LSAMP: variants seen among roughly 807,000 people sequenced by gnomAD.
LSAMP encodes limbic system-associated membrane protein.
In LSAMP, 7 loss-of-function variants were observed where a neutral mutation model predicts 38.6. That is an observed-to-expected ratio of 0.18 (90% CI 0.10 to 0.34). LSAMP has a LOEUF of 0.34. LSAMP is among the 10% of genes least tolerant of loss of function. LSAMP has a pLI of 1.00. For missense variants in LSAMP, 313 were observed against 420.0 expected (o/e 0.75, Z 2.23); for synonymous variants, 154 against 166.8 (o/e 0.92, Z 0.59).
intron 2 of LSAMP, among the ~76,000 whole-genome samples, chr3:116,076,345 C>T (rs916017230): frequency 6.6e-6 from 1 of 152,102 alleles, no homozygotes; most frequent in Non-Finnish European, 1.5e-5. Flanking sequence ...GCAACCTCCA[C>T]CTCCCGGGTT....
chr3:115,966,620 C>A (rs1459360858), intron 3 of LSAMP, among the ~76,000 whole-genome samples: 1 of 152,048 alleles, frequency 6.6e-6, no homozygotes, highest in East Asian at 1.9e-4. Context: ...ATTGGAATAA[C>A]CAAATCCATG....
At chr3:116,256,974 T>C (rs1490067211) in intron 1 of LSAMP, among the ~76,000 whole-genome samples, 1 of 152,222 alleles carries the variant, frequency 6.6e-6, no homozygotes, top group African/African-American at 2.4e-5. Context: ...CATCTGGGGC[T>C]GCTATGCTTC....
chr3:115,931,542 G>A (rs1937580683), intron 3 of LSAMP, among the ~76,000 whole-genome samples: 2 of 152,122 alleles, frequency 1.3e-5, no homozygotes, highest in South Asian at 4.1e-4. Context: ...GTCAGAGAGG[G>A]TCCTGTTTAG....
chr3:116,429,658 G>C lies in LSAMP; in HGVS notation c.155+15219C>G, dbSNP rs117353054. Among the ~76,000 whole-genome samples, 40 of 152,312 alleles carry C rather than the reference G, an allele frequency of 2.6e-4. No individual in the cohort carries two copies. In the East Asian group the frequency reaches 6.8e-3, roughly 26 times the overall value. On this transcript the variant is annotated intron_variant, in intron 1 of 6. Transcript: ENST00000490035. Reference sequence around the variant, plus strand: ...TGATGATACTGTGGGAATCAGTAGAGAGAAGGATTACATCAGATATCTAGG... The same window carrying C: ...TGATGATACTGTGGGAATCAGTAGACAGAAGGATTACATCAGATATCTAGG...
chr3:116,335,945 G>T (rs547177526), intron 1 of LSAMP, among the ~76,000 whole-genome samples: 2 of 152,048 alleles, frequency 1.3e-5, no homozygotes, highest in South Asian at 4.2e-4. Context: ...TTGAACTATT[G>T]TTAAGCTGTA....
chr3:116,001,048 T>G (rs1395637953), intron 3 of LSAMP, among the ~76,000 whole-genome samples: 1 of 152,208 alleles, frequency 6.6e-6, no homozygotes, highest in African/African-American at 2.4e-5. Context: ...TGATGGTTTA[T>G]CTGGTGCTCA....
chr3:116,132,584 C>T (rs1354289075), intron 1 of LSAMP, among the ~76,000 whole-genome samples: 1 of 152,186 alleles, frequency 6.6e-6, no homozygotes, highest in Non-Finnish European at 1.5e-5. Context: ...GAAAAGTCCA[C>T]AAATTTTTAA....
intron 1 of LSAMP, among the ~76,000 whole-genome samples, chr3:116,321,883 CCTTT>C (rs1188580781): frequency 6.6e-6 from 1 of 152,124 alleles, no homozygotes; most frequent in Non-Finnish European, 1.5e-5. Flanking sequence ...AAGGCTAGTT[CCTTT>C]CTAATAGTTA....
chr3:115,819,292 GGGTGTGGT>G (rs1192334356), intron 6 of LSAMP, among the ~76,000 whole-genome samples: 1 of 152,012 alleles, frequency 6.6e-6, no homozygotes, highest in African/African-American at 2.4e-5. Flanking sequence ...AAAATTAGCT[GGGTGTGGT>G]GGTACGTGTC....
intron 1 of LSAMP, among the ~76,000 whole-genome samples, chr3:116,225,224 G>C (rs1559790096): frequency 6.6e-6 from 1 of 152,152 alleles, no homozygotes; most frequent in Non-Finnish European, 1.5e-5. Flanking sequence ...GATCATCTTG[G>C]TTTTAGGGTG....
At chr3:116,436,756 T>C (rs1390801295) in intron 1 of LSAMP, among the ~76,000 whole-genome samples, 2 of 152,222 alleles carry the variant, frequency 1.3e-5, no homozygotes, top group East Asian at 1.9e-4. Context: ...ACAGCCACTA[T>C]GGAAAACAGT....
chr3:116,359,292 TGTGATACCAACTCAA>T lies in LSAMP; in HGVS notation c.155+85570_155+85584del, dbSNP rs2048269554. 4.6e-5 allele frequency among the ~76,000 whole-genome samples: 7 copies of T among 152,334 alleles called. No homozygotes were observed. The South Asian group carries it at 1.5e-3, about 32-fold the overall frequency. On this transcript the variant is annotated intron_variant, in intron 1 of 6. Coordinates refer to ENST00000490035, the MANE Select transcript of LSAMP (RefSeq NM_002338.5). ...GTAGTGAAAAAATATAAGTTTTGTA[TGTGATACCAACTCAA>T]AAAGTGTTCAAATAAGATCAAGATG...
At chr3:116,180,355 T>G (rs1032870251) in intron 1 of LSAMP, among the ~76,000 whole-genome samples, 1 of 133,000 alleles carries the variant, frequency 7.5e-6, no homozygotes, top group African/African-American at 2.8e-5. Flanking sequence ...GTTAGGAAGA[T>G]TTGGATTTTT....
chr3:116,324,286 A>C (rs916326076), intron 1 of LSAMP, among the ~76,000 whole-genome samples: 6 of 152,210 alleles, frequency 3.9e-5, no homozygotes, highest in African/African-American at 1.4e-4. Flanking sequence ...TGTCTAATGC[A>C]GTCCTCACAT....
At chr3:116,215,941 A>G (rs563838489) in intron 1 of LSAMP, among the ~76,000 whole-genome samples, 41 of 152,304 alleles carry the variant, frequency 2.7e-4, no homozygotes, top group African/African-American at 9.4e-4. Context: ...ACACATTAAT[A>G]TTGTTTACCA....
chr3:116,011,198 C>T (rs183251811), intron 3 of LSAMP, among the ~76,000 whole-genome samples: 8 of 152,104 alleles, frequency 5.3e-5, no homozygotes, highest in Non-Finnish European at 8.8e-5. Context: ...TGAGCCACTG[C>T]ACCCGGCCAG....
chr3:116,325,646 TC>T (rs1482958939), intron 1 of LSAMP, among the ~76,000 whole-genome samples: 2 of 152,154 alleles, frequency 1.3e-5, no homozygotes, highest in Admixed American at 6.6e-5. Context: ...ATATTTTTCT[TC>T]CCCCTCAGTT....
At chr3:116,017,860 T>C (rs1340347014) in intron 3 of LSAMP, among the ~76,000 whole-genome samples, 1 of 152,186 alleles carries the variant, frequency 6.6e-6, no homozygotes, top group Non-Finnish European at 1.5e-5. Context: ...AAGGTGTCTT[T>C]TATAATATCC....
chr3:116,339,213 T>C (rs1264041310), intron 1 of LSAMP, among the ~76,000 whole-genome samples: 1 of 151,868 alleles, frequency 6.6e-6, no homozygotes, highest in Non-Finnish European at 1.5e-5. Context: ...GGTGCGTAGG[T>C]CAGGCCAGCT....
Sources: gnomAD v4.1 joint callset for allele counts (sites outside exome capture counted in the v4.1 genomes callset) on GRCh38, gnomAD v4.1.1 for gene constraint, MANE v1.5 for transcripts, NCBI Gene and HGNC (gene_info 2026-07-23, HGNC 2026-07-21) for gene names.